Variants in TBP observed in about 807,000 individuals in gnomAD.
The protein encoded by TBP is TATA-box-binding protein.
Under a neutral mutation model 46.2 loss-of-function variants are expected in TBP, and 12 were observed. That is an observed-to-expected ratio of 0.26 (90% CI 0.17 to 0.42). The LOEUF is 0.42. TBP is among the 10% of genes least tolerant of loss of function. The pLI is 1.00. For synonymous variants in TBP, 157 were observed against 148.3 expected (o/e 1.06, Z -0.42); for missense variants, 229 against 403.1 (o/e 0.57, Z 3.70).
intron 6 of TBP, among the ~76,000 whole-genome samples, chr6:170,571,101 T>C (rs1779358248): frequency 6.6e-6 from 1 of 152,200 alleles, no homozygotes; most frequent in Admixed American, 6.5e-5. Flanking sequence ...TCATTATATC[T>C]AATGATATAG....
Position 170,562,012 on chromosome 6 carries a change from G to GCAGCAA in TBP, c.280_285dup (p.Gln94_Gln95dup). 6.3e-7 allele frequency: 1 copy of GCAGCAA among 1,592,238 alleles called. No homozygotes were observed. Among genetic ancestry groups the GCAGCAA allele is most frequent in the Non-Finnish European group, 8.6e-7 (1 of 1,167,696 alleles). On this transcript the variant is annotated inframe_insertion, in exon 3 of 8. Transcript: ENST00000392092. The stretch of plus-strand genomic sequence containing the variant: ...AGCAGCAGCAGCAGCAGCAGCAGCA[G>GCAGCAA]CAGCAACAGGCAGTGGCAGCTGCAG...
Position 170,568,809 on chromosome 6 carries a change from C to CTTTTTTTTT in TBP, c.678-803_678-802insTTTTTTTTT, listed in dbSNP as rs61619130. Among the ~76,000 whole-genome samples the CTTTTTTTTT allele has an allele frequency of 4.5e-5, 4 of 88,332 alleles. 1 individual carries two copies. Among genetic ancestry groups the CTTTTTTTTT allele is most frequent in the Admixed American group, 1.3e-4 (1 of 7,830 alleles). The allele number at this position is 88,332 out of a possible 152,430, so 57.9% of individuals were successfully genotyped here. On this transcript the variant is annotated intron_variant, in intron 5 of 7. Coordinates refer to ENST00000392092, the MANE Select transcript of TBP (RefSeq NM_003194.5). Reference sequence around the variant, plus strand: ...CTTTTTTTCTCTTCTTTCTTTCTTTCCTTTTCTTTTTTTTTTTTTTTTTTT... The same window carrying CTTTTTTTTT: ...CTTTTTTTCTCTTCTTTCTTTCTTTCTTTTTTTTTCTTTTCTTTTTTTTTTTTTTTTTTT...
chr6:170,558,977 G>C (rs1779089305), intron 2 of TBP, among the ~76,000 whole-genome samples: 1 of 152,156 alleles, frequency 6.6e-6, no homozygotes, highest in Non-Finnish European at 1.5e-5. Flanking sequence ...GAGCCACTGT[G>C]CCTAGTCAAA....
intron 2 of TBP, among the ~76,000 whole-genome samples, chr6:170,559,964 C>T (rs1358320363): frequency 1.3e-5 from 2 of 152,188 alleles, no homozygotes; most frequent in Non-Finnish European, 2.9e-5. Flanking sequence ...AACAGAACAA[C>T]AAAACCTGAT....
At chr6:170,566,886 A>G in intron 4 of TBP, 32 bp from the exon 5 acceptor site, 1 of 1,600,886 alleles carries the variant, frequency 6.2e-7, no homozygotes, top group Non-Finnish European at 8.5e-7. Flanking sequence ...GTTTGGCATG[A>G]CCTCACTAAT....
intron 2 of TBP, among the ~76,000 whole-genome samples, chr6:170,559,990 T>C (rs531588128): frequency 6.6e-6 from 1 of 152,350 alleles, no homozygotes; most frequent in South Asian, 2.1e-4. Context: ...CACGTCTGTT[T>C]ACAGCATGAT....
chr6:170,558,019 A>G (rs528745469), intron 2 of TBP, among the ~76,000 whole-genome samples: 1 of 152,282 alleles, frequency 6.6e-6, no homozygotes, highest in South Asian at 2.1e-4. Context: ...TTCTTAGCCC[A>G]GTGTACTGTT....
chr6:170,568,808 TCC>T (rs1779316261), intron 5 of TBP, among the ~76,000 whole-genome samples: 1 of 43,190 alleles, frequency 2.3e-5, no homozygotes, highest in Non-Finnish European at 4.4e-5. Flanking sequence ...TTTCTTTCTT[TCC>T]TTTTCTTTTT....
rs377394208 is a variant in TBP at position 170,568,815 on chromosome 6, C to CTTTTTTTTTTT, written c.678-780_678-770dup. ...TTCTCTTCTTTCTTTCTTTCCTTTT[C>CTTTTTTTTTTT]TTTTTTTTTTTTTTTTTTTTTTTTT... On this transcript the variant is annotated intron_variant, in intron 5 of 7. Transcript: ENST00000392092. 5.8e-3 allele frequency among the ~76,000 whole-genome samples: 364 copies of CTTTTTTTTTTT among 62,598 alleles called. 98 individuals are homozygous for CTTTTTTTTTTT. The highest frequency in any genetic ancestry group is 0.017 in the Middle Eastern group (1 of 60). 41.1% of individuals were successfully genotyped at this position (62,598 alleles called of 152,430 possible).
rs1163363258 is a variant in TBP at position 170,568,817 on chromosome 6, T to TTTC, written c.678-793_678-792insCTT. Among the ~76,000 whole-genome samples the TTTC allele has an allele frequency of 1.9e-3, 156 of 81,144 alleles. 40 individuals are homozygous for TTTC. The highest frequency in any genetic ancestry group is 7.3e-3 in the African/African-American group (146 of 19,908). The allele number at this position is 81,144 out of a possible 152,430, so 53.2% of individuals were successfully genotyped here. On this transcript the variant is annotated intron_variant, in intron 5 of 7. Transcript: ENST00000392092. ...CTCTTCTTTCTTTCTTTCCTTTTCT[T>TTTC]TTTTTTTTTTTTTTTTTTTTTTTTT...
In TBP at chr6:170,566,905, C is replaced by G. The variant is rs368103631; in HGVS notation, c.586-13C>G. On this transcript the variant is annotated splice_polypyrimidine_tract_variant and intron_variant, in intron 4 of 7. Coordinates refer to ENST00000392092, the MANE Select transcript of TBP (RefSeq NM_003194.5). Reference sequence around the variant, plus strand: ...GGCATGACCTCACTAATGATTCTCTCTGACCATTGTAGCGGTTTGCTGCGG... The same window carrying G: ...GGCATGACCTCACTAATGATTCTCTGTGACCATTGTAGCGGTTTGCTGCGG... 2 of 1,611,380 alleles carry G rather than the reference C, an allele frequency of 1.2e-6. No individual in the cohort carries two copies. The highest frequency in any genetic ancestry group is 1.7e-6 in the Non-Finnish European group (2 of 1,178,216).
chr6:170,558,172 T>C (rs1779067315), intron 2 of TBP, among the ~76,000 whole-genome samples: 2 of 152,376 alleles, frequency 1.3e-5, no homozygotes, highest in Admixed American at 1.3e-4. Context: ...TAAACATTTG[T>C]GTAGACTTTG....
At chr6:170,567,337 T>C (rs1779282568) in intron 5 of TBP, 1 of 153,344 alleles carries the variant, frequency 6.5e-6, no homozygotes, top group Non-Finnish European at 1.4e-5. Context: ...ATACAAAAAT[T>C]AGCCAGGCGT....
chr6:170,554,917 T>C (rs546541153), intron 1 of TBP, among the ~76,000 whole-genome samples: 1 of 152,290 alleles, frequency 6.6e-6, no homozygotes, highest in South Asian at 2.1e-4. Flanking sequence ...GCTTAAGATA[T>C]AATACACACC....
intron 5 of TBP, among the ~76,000 whole-genome samples, chr6:170,568,660 A>T (rs190532824): frequency 6.3e-4 from 95 of 150,804 alleles, no homozygotes; most frequent in African/African-American, 2.2e-3. Flanking sequence ...TCACTGTGTT[A>T]GCCAGGATGG....
intron 5 of TBP, among the ~76,000 whole-genome samples, chr6:170,568,552 T>C (rs973512519): frequency 1.3e-5 from 2 of 152,038 alleles, no homozygotes; most frequent in African/African-American, 4.8e-5. Context: ...CCTCCTGGGT[T>C]CACGCCATTC....
At chr6:170,564,377 TATAA>T (rs539960752) in intron 3 of TBP, among the ~76,000 whole-genome samples, 164 bp from the exon 4 acceptor site, 4 of 152,330 alleles carry the variant, frequency 2.6e-5, no homozygotes, top group Admixed American at 2.6e-4. Context: ...GAATAATCTA[TATAA>T]AATGCTCAAC....
At chr6:170,571,527 A>G (rs777619049) in intron 7 of TBP, 23 bp downstream of exon 7, 48 of 1,554,458 alleles carry the variant, frequency 3.1e-5, no homozygotes, top group Non-Finnish European at 3.9e-5. Context: ...AGGAAGTAGT[A>G]TCTGAAAGTT....
chr6:170,557,888 G>T (rs1457189789), intron 2 of TBP, among the ~76,000 whole-genome samples: 2 of 151,710 alleles, frequency 1.3e-5, no homozygotes, highest in Non-Finnish European at 2.9e-5. Context: ...CCCCTTTATA[G>T]TCACTCTGCT....
Sources: allele counts gnomAD v4.1 joint callset (sites outside exome capture counted in the v4.1 genomes callset), GRCh38; gene constraint gnomAD v4.1.1; transcripts MANE v1.5; gene names NCBI Gene and HGNC (gene_info 2026-07-23, HGNC 2026-07-21).